ARFGEF1: variants seen among roughly 807,000 people sequenced by gnomAD.
The protein encoded by ARFGEF1 is brefeldin A-inhibited guanine nucleotide-exchange protein 1.
ARFGEF1 carries 42 observed loss-of-function variants against 231.0 expected under a neutral mutation model. The observed-to-expected ratio is 0.18, with a 90% CI of 0.14 to 0.24. The LOEUF (loss-of-function observed/expected upper bound fraction) is 0.24. Ranked by LOEUF, ARFGEF1 falls within the 10% of genes least tolerant of loss-of-function variation. The pLI, the probability that ARFGEF1 is intolerant of heterozygous loss-of-function variation, is 1.00. For missense variants in ARFGEF1, 1,345 were observed against 2,192.0 expected, an observed-to-expected ratio of 0.61 and a Z score of 7.72; for synonymous variants, 710 against 732.3, an observed-to-expected ratio of 0.97 and a Z score of 0.49.
At chr8:67,184,875 G>A (rs1299626014) in intron 5 of ARFGEF1, among the ~76,000 whole-genome samples, 4 of 148,320 alleles carry the variant, frequency 2.7e-5, no homozygotes, top group African/African-American at 7.4e-5. Flanking sequence ...CGAGGAGGGC[G>A]GATCACAAGG....
At chr8:67,218,246 A>G (rs1423867787) in intron 30 of ARFGEF1, 108 bp from the exon 31 acceptor site, 2 of 229,566 alleles carry the variant, frequency 8.7e-6, no homozygotes, top group Non-Finnish European at 1.5e-5. Flanking sequence ...ATGTTTTCAT[A>G]TTAAAAATGG....
rs773274175 is a variant in ARFGEF1 at position 67,271,720 on chromosome 8, A to G, written c.1554T>C (p.His518=). 1 of 1,611,986 alleles carries G rather than the reference A, an allele frequency of 6.2e-7. No individual in the cohort carries two copies. Among genetic ancestry groups the G allele is most frequent in the Admixed American group, 1.7e-5 (1 of 59,894 alleles). ...AACGTACCTCAATTTGCATCTTCAG[A>G]TGTGTCTTGAAATTTGACAACAAAG... is the stretch of plus-strand genomic sequence containing the variant. ...FLTLLSNFKT[H]LKMQIEVFFK... Residue 518 remains histidine (H), a synonymous_variant, in exon 10 of 39, where the codon CAT becomes CAC. Transcript: ENST00000262215.
At chr8:67,284,824 A>G (rs1805683979) in intron 7 of ARFGEF1, among the ~76,000 whole-genome samples, 1 of 152,182 alleles carries the variant, frequency 6.6e-6, no homozygotes, top group South Asian at 2.1e-4. Context: ...CTTGGTTTCT[A>G]AGAACAACTG....
chr8:67,328,888 T>C (rs950892650), intron 1 of ARFGEF1, among the ~76,000 whole-genome samples: 1 of 151,884 alleles, frequency 6.6e-6, no homozygotes, highest in Non-Finnish European at 1.5e-5. Context: ...TTAACGTAAA[T>C]GGGTCAAAAA....
chr8:67,254,737 T>C (rs977780674), intron 17 of ARFGEF1, among the ~76,000 whole-genome samples: 5 of 152,206 alleles, frequency 3.3e-5, no homozygotes, highest in Non-Finnish European at 7.3e-5. Context: ...TACTTCAGAT[T>C]ATTCTGCAAA....
chr8:67,190,833 T>G lies in ARFGEF1; in HGVS notation c.560+9563A>C, dbSNP rs1836026257. ...TCTGGGTTCTGACCTGTGCTAAATC[T>G]GTGTGGCCCAATAAAGAGCACTTGC... On this transcript the variant is annotated intron_variant, in intron 5 of 5. Coordinates refer to the ARFGEF1 transcript ENST00000518789. 3.8e-6 allele frequency: 4 copies of G among 1,063,628 alleles called. No individual in the cohort carries two copies. The Middle Eastern group carries it at 9.0e-4, about 239-fold the overall frequency. The allele number at this position is 1,063,628 out of a possible 1,614,324, so 65.9% of individuals were successfully genotyped here. A position where few individuals can be genotyped will look rare whatever the true frequency, so the allele number is the denominator to read the frequency against.
intron 29 of ARFGEF1, among the ~76,000 whole-genome samples, chr8:67,219,950 T>C (rs889618404): frequency 2.6e-5 from 4 of 152,224 alleles, no homozygotes; most frequent in African/African-American, 7.2e-5. Context: ...AAACAAAAGT[T>C]AGATTTTGGA....
chr8:67,173,762 C>CAA (rs1347865712), downstream of ARFGEF1: 1 of 152,136 alleles, frequency 6.6e-6, no homozygotes, highest in Admixed American at 6.6e-5. Context: ...TTTATGCTAT[C>CAA]AAATATTGAT....
chr8:67,282,839 C>A, intron 7 of ARFGEF1, among the ~76,000 whole-genome samples: 1 of 137,540 alleles, frequency 7.3e-6, no homozygotes. Context: ...TAGAGCAAGA[C>A]TTCATCTCAA....
intron 34 of ARFGEF1, chr8:67,207,062 A>G (rs1382042467): frequency 6.6e-6 from 1 of 152,210 alleles, no homozygotes; most frequent in Non-Finnish European, 1.5e-5. Context: ...TCTTAGTACT[A>G]GATCACAAGT....
chr8:67,312,372 A>G (rs1237199882), intron 1 of ARFGEF1, among the ~76,000 whole-genome samples: 1 of 152,184 alleles, frequency 6.6e-6, no homozygotes, highest in Admixed American at 6.5e-5. Flanking sequence ...GTGACAGTGG[A>G]CTTCTTATTG....
At chr8:67,219,338 C>T (rs931076521) in intron 30 of ARFGEF1, 93 bp downstream of exon 30, 2 of 1,411,422 alleles carry the variant, frequency 1.4e-6, no homozygotes, top group African/African-American at 3.0e-5. Context: ...GAATTCTTTT[C>T]TGTACTTAAT....
chr8:67,216,871 A>C (rs1312193095), intron 32 of ARFGEF1, among the ~76,000 whole-genome samples: 5 of 152,204 alleles, frequency 3.3e-5, no homozygotes, highest in Non-Finnish European at 5.9e-5. Flanking sequence ...GGCATTTAAT[A>C]TAATTAAAAG....
At chr8:67,332,124 T>C (rs961839909) in intron 1 of ARFGEF1, among the ~76,000 whole-genome samples, 1 of 152,152 alleles carries the variant, frequency 6.6e-6, no homozygotes, top group Non-Finnish European at 1.5e-5. Context: ...AAAATGCACA[T>C]GAAATATTGA....
At chr8:67,301,595 G>A (rs1185031649) in intron 2 of ARFGEF1, among the ~76,000 whole-genome samples, 5 of 152,152 alleles carry the variant, frequency 3.3e-5, no homozygotes, top group African/African-American at 7.2e-5. Flanking sequence ...ACCACAAGAC[G>A]CTGAAATCTT....
At chr8:67,321,981 C>G (rs1037831824) in intron 1 of ARFGEF1, among the ~76,000 whole-genome samples, 52 of 152,200 alleles carry the variant, frequency 3.4e-4, no homozygotes, top group Admixed American at 1.3e-4. Context: ...TCTGCATGCC[C>G]TTCCTTGCAT....
chr8:67,200,648 A>T lies in ARFGEF1; in HGVS notation c.5268-135T>A, dbSNP rs1307847216. 7.9e-6 allele frequency: 5 copies of T among 629,222 alleles called. No homozygotes were observed. In the African/African-American group the frequency reaches 9.1e-5, roughly 11 times the overall value. The allele number at this position is 629,222 out of a possible 1,614,324, so 39.0% of individuals were successfully genotyped here. A position where few individuals can be genotyped will look rare whatever the true frequency, so the allele number is the denominator to read the frequency against. ...ATGTTAGATCCCATCTGTTTACATT[A>T]GCTGGAGTGTCAACATAAACATGCT... On this transcript the variant is annotated intron_variant, in intron 37 of 38. Transcript: ENST00000262215.
At chr8:67,298,506 AC>A (rs1806339488) in intron 4 of ARFGEF1, among the ~76,000 whole-genome samples, 1 of 152,182 alleles carries the variant, frequency 6.6e-6, no homozygotes, top group African/African-American at 2.4e-5. Context: ...AGTTGAGAGG[AC>A]AAGCTATGAA....
intron 23 of ARFGEF1, among the ~76,000 whole-genome samples, chr8:67,228,550 G>A (rs111715429): frequency 6.6e-6 from 1 of 151,912 alleles, no homozygotes; most frequent in Non-Finnish European, 1.5e-5. Flanking sequence ...GGATAGATAT[G>A]AGATTCTAAG....
Sources: allele counts gnomAD v4.1 joint callset (sites outside exome capture counted in the v4.1 genomes callset), GRCh38; gene constraint gnomAD v4.1.1; transcripts MANE v1.5; gene names NCBI Gene and HGNC (gene_info 2026-07-23, HGNC 2026-07-21).